FCRL3: variants seen among roughly 807,000 people sequenced by gnomAD.
The protein encoded by FCRL3 is Fc receptor like 3.
Under a neutral mutation model 75.0 loss-of-function variants are expected in FCRL3, and 89 were observed. The observed-to-expected ratio is 1.19, with a 90% CI of 1.00 to 1.42. FCRL3 has a LOEUF of 1.42. Ranked by LOEUF, FCRL3 falls within the 40% of genes most tolerant of loss-of-function variation. FCRL3 has a pLI of 0.00. For synonymous variants in FCRL3, 376 were observed against 348.5 expected, an observed-to-expected ratio of 1.08 and a Z score of -0.88; for missense variants, 946 against 880.0, an observed-to-expected ratio of 1.07 and a Z score of -0.95.
chr1:157,698,841 A>G (rs1305185787), intron 3 of FCRL3, among the ~76,000 whole-genome samples: 1 of 152,200 alleles, frequency 6.6e-6, no homozygotes, highest in East Asian at 1.9e-4. Context: ...AGGGTATTAT[A>G]GGGGAGAGGT....
chr1:157,686,368 G>T (rs769360541), intron 10 of FCRL3, among the ~76,000 whole-genome samples: 2 of 152,050 alleles, frequency 1.3e-5, no homozygotes, highest in African/African-American at 4.8e-5. Context: ...ACTGCCCAAA[G>T]AAATTTACAG....
chr1:157,691,035 G>GTATGTATC (rs1445038353), intron 8 of FCRL3, among the ~76,000 whole-genome samples: 5,418 of 151,500 alleles, frequency 0.036, 110 homozygotes, highest in African/African-American at 0.054. Context: ...ATGTATGTAT[G>GTATGTATC]TATCTATCTA....
chr1:157,692,255 T>C (rs920325605), intron 8 of FCRL3, among the ~76,000 whole-genome samples: 8 of 152,228 alleles, frequency 5.3e-5, no homozygotes, highest in African/African-American at 1.7e-4. Context: ...TTTTGTTTTT[T>C]TGAGACAGGG....
chr1:157,682,933 A>G (rs1654938593), intron 11 of FCRL3, among the ~76,000 whole-genome samples: 2 of 152,240 alleles, frequency 1.3e-5, no homozygotes, highest in South Asian at 4.1e-4. Context: ...ATGAAAGGTA[A>G]TGCCATTAAG....
chr1:157,676,621 C>A lies in FCRL3; in HGVS notation c.*2089G>T, dbSNP rs989212665. 44 of 1,182,044 alleles carry A rather than the reference C, an allele frequency of 3.7e-5. No homozygotes were observed. In the Admixed American group the frequency reaches 9.0e-4, roughly 24 times the overall value. The allele number at this position is 1,182,044 out of a possible 1,614,324, so 73.2% of individuals were successfully genotyped here. On this transcript the variant is annotated 3_prime_UTR_variant, in exon 15 of 15. Coordinates refer to ENST00000368184, the MANE Select transcript of FCRL3 (RefSeq NM_052939.4). ...CATGAGAATAATTCATTTTACAGGG[C>A]AATCAATCAGAATTTGCACATTTGT...
intron 13 of FCRL3, among the ~76,000 whole-genome samples, chr1:157,679,872 C>T (rs918432296): frequency 2.5e-5 from 3 of 118,750 alleles, no homozygotes; most frequent in Non-Finnish European, 5.3e-5. Flanking sequence ...GACAGAAACT[C>T]AGTTCATGTG....
intron 10 of FCRL3, among the ~76,000 whole-genome samples, chr1:157,689,368 C>T (rs962387198): frequency 2.0e-5 from 3 of 152,064 alleles, no homozygotes; most frequent in African/African-American, 4.8e-5. Context: ...TAGCAACAAT[C>T]GGAAATTGAA....
chr1:157,678,062 C>T lies in FCRL3; in HGVS notation c.*648G>A, dbSNP rs1654575076. 1.0e-6 allele frequency: 1 copy of T among 985,440 alleles called. No individual in the cohort carries two copies. Among genetic ancestry groups the T allele is most frequent in the Admixed American group, 6.1e-5 (1 of 16,268 alleles). 61.0% of individuals were successfully genotyped at this position (985,440 alleles called of 1,614,324 possible). On this transcript the variant is annotated 3_prime_UTR_variant, in exon 15 of 15. Transcript: ENST00000368184. ...TAATGTGATTCTTCACACATAAGGT[C>T]TTTGCAGTGGGGATACAAGTCACAT... is the stretch of plus-strand genomic sequence containing the variant.
At position 157,698,630 on chromosome 1, in the gene FCRL3, C is replaced by T. The variant is rs769750833; in HGVS notation, c.53-1G>A. 6.2e-7 allele frequency: 1 copy of T among 1,613,906 alleles called. No individual in the cohort carries two copies. The highest frequency in any genetic ancestry group is 1.1e-5 in the South Asian group (1 of 91,078). ...AGAAGTACAGCTTTTGGGGCCACCC[C>T]TAAACAGGAAATAGAAAGATGAAGG... On this transcript the variant is annotated splice_acceptor_variant, in intron 3 of 14. Transcript: ENST00000368184. LOFTEE classifies it high-confidence loss of function.
chr1:157,680,670 C>A, intron 13 of FCRL3, 32 bp downstream of exon 13: 1 of 1,594,222 alleles, frequency 6.3e-7, no homozygotes, highest in Non-Finnish European at 8.6e-7. Context: ...AACACTGCCA[C>A]CTCACCTCTA....
chr1:157,699,627 A>G, intron 3 of FCRL3, 65 bp downstream of exon 3: 3 of 1,574,104 alleles, frequency 1.9e-6, no homozygotes, highest in Non-Finnish European at 2.6e-6. Flanking sequence ...GGGTTAGGGC[A>G]GGCTGTGTGG....
intron 8 of FCRL3, among the ~76,000 whole-genome samples, chr1:157,691,094 T>C (rs2101610629): frequency 6.6e-6 from 1 of 152,304 alleles, no homozygotes; most frequent in Non-Finnish European, 1.5e-5. Flanking sequence ...ATTATCTGTT[T>C]GTTCGTTGCT....
In FCRL3 at chr1:157,697,924, A is replaced by G. The variant is rs754877228; in HGVS notation, c.299-5T>C. On this transcript the variant is annotated splice_region_variant and splice_polypyrimidine_tract_variant and intron_variant, in intron 4 of 14. Transcript: ENST00000368184. ...AAGCCTGCAGGATCAGCCAGTCTGC[A>G]AAGAGCACAGGAGCACACTCAGGTT... is the stretch of plus-strand genomic sequence containing the variant. 2 of 1,613,220 alleles carry G rather than the reference A, an allele frequency of 1.2e-6. No homozygotes were observed. Among genetic ancestry groups the G allele is most frequent in the Non-Finnish European group, 1.7e-6 (2 of 1,179,778 alleles).
intron 2 of FCRL3, 65 bp from the exon 3 acceptor site, chr1:157,699,777 A>C: frequency 6.4e-7 from 1 of 1,561,356 alleles, no homozygotes; most frequent in Non-Finnish European, 8.8e-7. Flanking sequence ...CCTAACCACA[A>C]CCACTTCTTT....
At chr1:157,698,683 C>T (rs1656124330) in intron 3 of FCRL3, 54 bp from the exon 4 acceptor site, 1 of 1,596,898 alleles carries the variant, frequency 6.3e-7, no homozygotes, top group South Asian at 1.1e-5. Flanking sequence ...GAGGTGGGCA[C>T]AGCACATGGG....
intron 13 of FCRL3, among the ~76,000 whole-genome samples, chr1:157,680,285 T>C (rs936096486): frequency 6.6e-6 from 1 of 152,286 alleles, no homozygotes; most frequent in Admixed American, 6.5e-5. Context: ...GGCACTGATG[T>C]GAACAATAGA....
rs1275449501 is a variant in FCRL3, at chr1:157,698,492, A to G, written c.190T>C (p.Leu64=). 8 of 1,614,126 alleles carry G rather than the reference A, an allele frequency of 5.0e-6. No individual in the cohort carries two copies. The highest frequency in any genetic ancestry group is 3.3e-5 in the South Asian group (3 of 91,090). Residue 64 remains leucine, a synonymous_variant, in exon 4 of 15, where the codon TTG becomes CTG. Coordinates refer to ENST00000368184, the MANE Select transcript of FCRL3 (RefSeq NM_052939.4). The part of the protein sequence containing the change: ...GDTYWYHDEK[L]LKIKHDKIQI... Reference sequence around the variant, plus strand: ...ATCTTGTCATGTTTTATTTTCAACAACTTCTCATCGTGATACCAATATGTG... The same window carrying G: ...ATCTTGTCATGTTTTATTTTCAACAGCTTCTCATCGTGATACCAATATGTG...
chr1:157,692,271 C>T (rs1032885387), intron 8 of FCRL3, among the ~76,000 whole-genome samples: 24 of 152,110 alleles, frequency 1.6e-4, no homozygotes, highest in African/African-American at 3.6e-4. Context: ...CAGGGTCTCA[C>T]TCTGTTGCCC....
chr1:157,700,198 G>A (rs1221844587), intron 2 of FCRL3, among the ~76,000 whole-genome samples: 2 of 152,198 alleles, frequency 1.3e-5, no homozygotes, highest in African/African-American at 4.8e-5. Context: ...ATAGAGTTGT[G>A]GTTTGGCAGA....
Sources: allele counts gnomAD v4.1 joint callset (sites outside exome capture counted in the v4.1 genomes callset), GRCh38; gene constraint gnomAD v4.1.1; transcripts MANE v1.5; gene names NCBI Gene and HGNC (gene_info 2026-07-23, HGNC 2026-07-21).